AK5: variants seen among roughly 807,000 people sequenced by gnomAD.
AK5 encodes adenylate kinase 5.
In AK5, 27 loss-of-function variants were observed where a neutral mutation model predicts 69.5. That is an observed-to-expected ratio of 0.39 (90% confidence interval 0.29 to 0.54). AK5 has a LOEUF of 0.54. AK5 is among the 20% of genes least tolerant of loss of function. The pLI, the probability that AK5 is intolerant of heterozygous loss-of-function variation, is 0.71. For missense variants in AK5, 531 were observed against 700.4 expected (o/e 0.76, Z 2.73); for synonymous variants, 260 against 244.4 (o/e 1.06, Z -0.60).
At chr1:77,385,850 G>T (rs1356549438) in intron 6 of AK5, among the ~76,000 whole-genome samples, 1 of 152,162 alleles carries the variant, frequency 6.6e-6, no homozygotes, top group East Asian at 1.9e-4. Context: ...ACCATAGGAG[G>T]TGAAAAGTGG....
At chr1:77,500,809 A>T (rs3112830) in intron 10 of AK5, among the ~76,000 whole-genome samples, 5,453 of 152,194 alleles carry the variant, frequency 0.036, 309 homozygotes, top group African/African-American at 0.13. Context: ...CAACAAAAAA[A>T]CAAGCAAAGG....
At chr1:77,353,680 T>C (rs1361554164) in intron 6 of AK5, among the ~76,000 whole-genome samples, 1 of 152,176 alleles carries the variant, frequency 6.6e-6, no homozygotes, top group Non-Finnish European at 1.5e-5. Context: ...CCCTTCAGAC[T>C]CAACTGCTGT....
chr1:77,522,312 GA>G (rs1312566211), intron 12 of AK5, among the ~76,000 whole-genome samples: 1 of 152,106 alleles, frequency 6.6e-6, no homozygotes, highest in Non-Finnish European at 1.5e-5. Context: ...TCCAGCAAAA[GA>G]CCCAGAGTTG....
At chr1:77,388,302 G>A (rs578133484) in intron 6 of AK5, among the ~76,000 whole-genome samples, 1 of 152,288 alleles carries the variant, frequency 6.6e-6, no homozygotes, top group African/African-American at 2.4e-5. Context: ...TACAAGTCAA[G>A]CTGCTAGATT....
chr1:77,308,968 TA>T (rs140870136), intron 5 of AK5, among the ~76,000 whole-genome samples: 153 of 139,742 alleles, frequency 1.1e-3, no homozygotes, highest in African/African-American at 2.3e-3. Context: ...GACACTGTCT[TA>T]AAAAAAAAAA....
At chr1:77,493,513 T>C (rs1396035171) in intron 10 of AK5, among the ~76,000 whole-genome samples, 1 of 152,148 alleles carries the variant, frequency 6.6e-6, no homozygotes, top group Non-Finnish European at 1.5e-5. Flanking sequence ...ACAGGATATA[T>C]ACGTCCAGTC....
intron 13 of AK5, among the ~76,000 whole-genome samples, chr1:77,549,350 G>A (rs1047170262): frequency 2.0e-5 from 3 of 151,952 alleles, no homozygotes; most frequent in Admixed American, 6.6e-5. Context: ...TATTTATGGG[G>A]TACGTAAGCT....
intron 6 of AK5, among the ~76,000 whole-genome samples, chr1:77,361,343 C>T (rs1646859476): frequency 6.6e-6 from 1 of 152,184 alleles, no homozygotes; most frequent in African/African-American, 2.4e-5. Flanking sequence ...CAGCTTCTAT[C>T]ACTTACTACC....
intron 8 of AK5, among the ~76,000 whole-genome samples, chr1:77,424,993 G>C (rs1339655489): frequency 6.6e-6 from 1 of 152,122 alleles, no homozygotes; most frequent in Non-Finnish European, 1.5e-5. Context: ...ATCAAAAATA[G>C]AGAAACAAAT....
At chr1:77,487,703 T>G (rs891489726) in intron 10 of AK5, among the ~76,000 whole-genome samples, 2 of 152,176 alleles carry the variant, frequency 1.3e-5, no homozygotes, top group African/African-American at 4.8e-5. Flanking sequence ...GTCATTCAAT[T>G]AACTGGTATC....
At chr1:77,459,175 G>A (rs920692003) in intron 8 of AK5, among the ~76,000 whole-genome samples, 5 of 152,142 alleles carry the variant, frequency 3.3e-5, no homozygotes, top group African/African-American at 9.7e-5. Flanking sequence ...GAAGGACTCA[G>A]ACATCTTATT....
chr1:77,337,311 C>T (rs1042306229), intron 5 of AK5, among the ~76,000 whole-genome samples: 12 of 152,122 alleles, frequency 7.9e-5, no homozygotes, highest in African/African-American at 2.7e-4. Context: ...GAAGCACTTA[C>T]ATTAACAGAC....
intron 5 of AK5, 99 bp from the exon 6 acceptor site, chr1:77,340,278 A>T: frequency 1.7e-6 from 2 of 1,210,700 alleles, no homozygotes; most frequent in Non-Finnish European, 2.3e-6. Context: ...GGCCAAATAT[A>T]TGGCAGCCTC....
chr1:77,475,465 T>TTATATATATACATATATATTATA (rs10672519), intron 8 of AK5, among the ~76,000 whole-genome samples: 1 of 12,836 alleles, frequency 7.8e-5, no homozygotes, highest in Non-Finnish European at 1.5e-4. Context: ...CAAATATATA[T>TTATATATATACATATATATTATA]TATATATGTA....
intron 6 of AK5, among the ~76,000 whole-genome samples, chr1:77,363,555 C>T (rs1646901509): frequency 6.6e-6 from 1 of 152,190 alleles, no homozygotes; most frequent in Admixed American, 6.5e-5. Context: ...ATTCCCATGT[C>T]CCAGGAGGCC....
chr1:77,553,055 G>A (rs1557670466), intron 13 of AK5, among the ~76,000 whole-genome samples: 1 of 152,158 alleles, frequency 6.6e-6, no homozygotes, highest in Admixed American at 6.5e-5. Context: ...GAAAAAGGGG[G>A]TTCTTTAAAA....
At chr1:77,425,675 A>G (rs1651157388) in intron 8 of AK5, among the ~76,000 whole-genome samples, 1 of 152,232 alleles carries the variant, frequency 6.6e-6, no homozygotes, top group South Asian at 2.1e-4. Context: ...GAATAAGTGA[A>G]GATAAAATAA....
In AK5 at chr1:77,301,728, A is replaced by G. The variant is rs140230471; in HGVS notation, c.699+3781A>G. Among the ~76,000 whole-genome samples, 6 of 152,262 alleles carry G rather than the reference A, an allele frequency of 3.9e-5. No individual in the cohort carries two copies. In the East Asian group the frequency reaches 1.2e-3, roughly 29 times the overall value. Reference sequence around the variant, plus strand: ...CTTCATGTTATCTTCCTTGTCTACCACTAATAAAGAGTGGAGGAGCAAGCC... The same window carrying G: ...CTTCATGTTATCTTCCTTGTCTACCGCTAATAAAGAGTGGAGGAGCAAGCC... On this transcript the variant is annotated intron_variant, in intron 5 of 13. Coordinates refer to ENST00000354567, the MANE Select transcript of AK5 (RefSeq NM_174858.3).
intron 6 of AK5, among the ~76,000 whole-genome samples, chr1:77,402,395 T>C (rs1308540219): frequency 1.3e-5 from 2 of 151,696 alleles, no homozygotes; most frequent in Non-Finnish European, 2.9e-5. Flanking sequence ...GCTGCACCCA[T>C]TAACTCATCA....
Sources: gnomAD v4.1 joint callset for allele counts (sites outside exome capture counted in the v4.1 genomes callset) on GRCh38, gnomAD v4.1.1 for gene constraint, MANE v1.5 for transcripts, NCBI Gene and HGNC (gene_info 2026-07-23, HGNC 2026-07-21) for gene names.